CAPN1: variants seen among roughly 807,000 people sequenced by gnomAD.
The protein encoded by CAPN1 is calpain-1 catalytic subunit.
A neutral mutation model predicts 105.2 loss-of-function variants in CAPN1; 77 were observed. The observed-to-expected ratio is 0.73, with a 90% CI of 0.61 to 0.88. The LOEUF is 0.88. Ranked by LOEUF, CAPN1 falls within the 40% of genes least tolerant of loss-of-function variation. The pLI is 0.00. For synonymous variants in CAPN1, 355 were observed against 388.8 expected (o/e 0.91, Z 1.02); for missense variants, 833 against 976.6 (o/e 0.85, Z 1.96).
chr11:65,192,877 G>A (rs1045118735), intron 10 of CAPN1, among the ~76,000 whole-genome samples: 17 of 152,004 alleles, frequency 1.1e-4, no homozygotes, highest in Admixed American at 6.6e-4. Flanking sequence ...AAAGTGCTGA[G>A]ATTACAGGCA....
upstream of CAPN1, chr11:65,181,408 G>T: frequency 4.1e-6 from 1 of 245,704 alleles, no homozygotes; most frequent in Non-Finnish European, 8.4e-6. The surrounding 1 kb of genome is among the most constrained non-coding windows in gnomAD (Gnocchi z 4.6). Flanking sequence ...GCCGCAGCCC[G>T]AGGTAATCTC....
intron 10 of CAPN1, among the ~76,000 whole-genome samples, 167 bp from the exon 11 acceptor site, chr11:65,204,516 C>T (rs1948920654): frequency 1.3e-5 from 2 of 152,222 alleles, no homozygotes. Flanking sequence ...GCCGTGAGGG[C>T]ATGGACCGAG....
rs374112243 is a variant in CAPN1, at chr11:65,182,695, C to T, written c.-1-6C>T. The T allele has an allele frequency of 7.3e-5, 112 of 1,544,788 alleles. No homozygotes were observed. Among genetic ancestry groups the T allele is most frequent in the Non-Finnish European group, 9.3e-5 (106 of 1,145,166 alleles). ...TGGGTTCTGAGCAGGCCCATCTGTC[C>T]GGCAGGATGTCGGAGGAGATCATCA... is the stretch of plus-strand genomic sequence containing the variant. On this transcript the variant is annotated splice_region_variant and splice_polypyrimidine_tract_variant and intron_variant, in intron 1 of 21. Coordinates refer to ENST00000279247, the MANE Select transcript of CAPN1 (RefSeq NM_005186.4).
chr11:65,193,912 C>A (rs1948755205), intron 10 of CAPN1, among the ~76,000 whole-genome samples: 1 of 147,636 alleles, frequency 6.8e-6, no homozygotes, highest in South Asian at 2.1e-4. Context: ...TTTCATATAT[C>A]ATTAATCTTT....
At chr11:65,187,064 G>T (rs904761698) in intron 6 of CAPN1, 151 bp from the exon 7 acceptor site, 12 of 627,008 alleles carry the variant, frequency 1.9e-5, no homozygotes, top group African/African-American at 1.8e-5. Flanking sequence ...ATATGTGGGG[G>T]TGTCTATAGG....
At chr11:65,181,623 C>A, upstream of CAPN1, 1 of 404,498 alleles carries the variant, frequency 2.5e-6, no homozygotes, top group Non-Finnish European at 4.9e-6. The surrounding 1 kb of genome is among the most constrained non-coding windows in gnomAD (Gnocchi z 4.6). Context: ...ACCCCCTGCC[C>A]GGCCCTCCCC....
Position 65,210,786 on chromosome 11 carries a change from C to T in CAPN1, c.2060-28C>T. On this transcript the variant is annotated intron_variant, in intron 20 of 21. Transcript: ENST00000279247. This position sits in a 1 kb window ranked among gnomAD's most constrained non-coding sequence, Gnocchi z 4.3. Reference sequence around the variant, plus strand: ...GTGAATATCCCACTGAGTTTTCAGCCCTGTATCACCTTTTCTTGAACACAC... The same window carrying T: ...GTGAATATCCCACTGAGTTTTCAGCTCTGTATCACCTTTTCTTGAACACAC... 6.3e-7 allele frequency: 1 copy of T among 1,598,904 alleles called. No individual in the cohort carries two copies. Among genetic ancestry groups the T allele is most frequent in the Non-Finnish European group, 8.6e-7 (1 of 1,166,412 alleles).
chr11:65,211,186 A>C, intron 21 of CAPN1, 74 bp from the exon 22 acceptor site: 1 of 1,548,860 alleles, frequency 6.5e-7, no homozygotes, highest in Non-Finnish European at 8.8e-7. Context: ...TGGGGGCTGG[A>C]CCTGGGGTTT....
intron 10 of CAPN1, among the ~76,000 whole-genome samples, chr11:65,202,718 C>T (rs1391620190): frequency 1.3e-5 from 2 of 152,098 alleles, no homozygotes; most frequent in African/African-American, 2.4e-5. Context: ...GCTGGGATTA[C>T]AGGTGTGAGC....
intron 10 of CAPN1, among the ~76,000 whole-genome samples, chr11:65,194,682 T>G (rs1354678600): frequency 6.6e-6 from 1 of 152,214 alleles, no homozygotes; most frequent in Non-Finnish European, 1.5e-5. Flanking sequence ...TTTTCAAGCT[T>G]CATTTATGGT....
At position 65,189,578 on chromosome 11, in the gene CAPN1, G is replaced by A. The variant is rs189568462; in HGVS notation, c.1165+832G>A. On this transcript the variant is annotated intron_variant, in intron 10 of 21. Transcript: ENST00000279247. ...CCAGTCCGTTGAACCCATCACTTGC[G>A]TACCATCCTGCCTCTCCCATCTTGC... 8.3e-3 allele frequency among the ~76,000 whole-genome samples: 1,263 copies of A among 152,144 alleles called. 15 individuals are homozygous for A. The highest frequency in any genetic ancestry group is 0.029 in the African/African-American group (1,195 of 41,478).
At chr11:65,186,936 G>A (rs763018815) in intron 6 of CAPN1, among the ~76,000 whole-genome samples, 3 of 152,200 alleles carry the variant, frequency 2.0e-5, no homozygotes, top group African/African-American at 7.2e-5. Context: ...ATGCATGTTC[G>A]CACAGGTTCT....
In CAPN1 at chr11:65,211,396, CAG is replaced by C; in HGVS notation, c.*115_*116del. On this transcript the variant is annotated 3_prime_UTR_variant, in exon 22 of 22. Transcript: ENST00000279247. ...CCAGCTGCAAGTGCCTTCCTTGGAG[CAG>C]AGAGGCAGCCTCGTCCTCCTGTCCC... is the stretch of plus-strand genomic sequence containing the variant. The C allele has an allele frequency of 3.9e-6, 4 of 1,020,922 alleles. No individual in the cohort carries two copies. In the South Asian group the frequency reaches 5.3e-5, roughly 14 times the overall value. 63.2% of individuals were successfully genotyped at this position (1,020,922 alleles called of 1,614,324 possible).
chr11:65,201,372 G>C (rs1948866779), intron 10 of CAPN1, among the ~76,000 whole-genome samples: 1 of 152,120 alleles, frequency 6.6e-6, no homozygotes, highest in Non-Finnish European at 1.5e-5. Flanking sequence ...CAGTCCATCA[G>C]CCACTGTGCC....
chr11:65,199,193 G>A (rs1274421030), intron 10 of CAPN1, among the ~76,000 whole-genome samples: 1 of 152,062 alleles, frequency 6.6e-6, no homozygotes, highest in Non-Finnish European at 1.5e-5. Context: ...AACTTTCTCA[G>A]TGTTTGTCTA....
rs17879309 is a variant in CAPN1 at position 65,211,326 on chromosome 11, C to T, written c.*40C>T. 2.5e-5 allele frequency: 40 copies of T among 1,605,158 alleles called. 1 individual carries two copies. The highest frequency in any genetic ancestry group is 1.8e-4 in the South Asian group (16 of 90,256). On this transcript the variant is annotated 3_prime_UTR_variant, in exon 22 of 22. Coordinates refer to ENST00000279247, the MANE Select transcript of CAPN1 (RefSeq NM_005186.4). Reference sequence around the variant, plus strand: ...CCCCCTTGCCGTGCTCCCCTCCCTCCTCGTCTGCCAAGCCTCGCCTCCTAC... The same window carrying T: ...CCCCCTTGCCGTGCTCCCCTCCCTCTTCGTCTGCCAAGCCTCGCCTCCTAC...
intron 11 of CAPN1, among the ~76,000 whole-genome samples, chr11:65,205,105 C>T (rs951007873): frequency 1.3e-5 from 2 of 152,234 alleles, no homozygotes; most frequent in Non-Finnish European, 2.9e-5. Flanking sequence ...TGGGATTCAC[C>T]TCACGCTTAG....
chr11:65,187,344 C>T (rs770933456), intron 7 of CAPN1, 46 bp downstream of exon 7: 2 of 1,349,046 alleles, frequency 1.5e-6, no homozygotes, highest in Non-Finnish European at 2.1e-6. Context: ...TTCCTGCCCC[C>T]TGGCCTGTCC....
At chr11:65,206,372 G>A in intron 12 of CAPN1, 91 bp from the exon 13 acceptor site, 6 of 1,000,774 alleles carry the variant, frequency 6.0e-6, no homozygotes, top group Non-Finnish European at 7.8e-6. Flanking sequence ...CCTTGGCCAG[G>A]ACAAGGAGCC....
Sources: gnomAD v4.1 joint callset for allele counts (sites outside exome capture counted in the v4.1 genomes callset) on GRCh38, gnomAD v4.1.1 for gene constraint, Gnocchi (gnomAD v3.1) non-coding constraint, MANE v1.5 for transcripts, NCBI Gene and HGNC (gene_info 2026-07-23, HGNC 2026-07-21) for gene names.